C5orf58: variants seen among roughly 807,000 people sequenced by gnomAD.
C5orf58 encodes the protein putative uncharacterized protein C5orf58.
In C5orf58, 2 loss-of-function variants were observed where a neutral mutation model predicts 2.9. The observed-to-expected ratio is 0.69, with a 90% CI of 0.28 to 2.18. The LOEUF (loss-of-function observed/expected upper bound fraction) is 2.18. Ranked by LOEUF, C5orf58 falls within the 30% of genes most tolerant of loss-of-function variation. The probability of loss-of-function intolerance (pLI) is 0.13; values close to 1 mark genes in which losing one functional copy is unlikely to be tolerated. For synonymous variants in C5orf58, 37 were observed against 33.4 expected, an observed-to-expected ratio of 1.11 and a Z score of -0.37; for missense variants, 96 against 91.7, an observed-to-expected ratio of 1.05 and a Z score of -0.19.
intron 3 of C5orf58, 135 bp from the exon 4 acceptor site, chr5:170,245,827 G>A (rs1245049789): frequency 3.7e-6 from 3 of 820,084 alleles, no homozygotes; most frequent in Non-Finnish European, 5.7e-6. Flanking sequence ...AGTCAGAATG[G>A]GACACACTTA....
chr5:170,245,940 T>C, intron 3 of C5orf58, 22 bp from the exon 4 acceptor site: 1 of 1,601,010 alleles, frequency 6.2e-7, no homozygotes, highest in South Asian at 1.1e-5. Flanking sequence ...CAATATAATA[T>C]CTCCTGTTTT....
At chr5:170,236,584 G>A (rs1760749496) in intron 3 of C5orf58, among the ~76,000 whole-genome samples, 1 of 152,190 alleles carries the variant, frequency 6.6e-6, no homozygotes, top group African/African-American at 2.4e-5. Context: ...AAACATCTTA[G>A]AATGGACTAT....
In C5orf58 at chr5:170,236,024, TC is replaced by T. The variant is rs1308056185; in HGVS notation, c.94+955del. On this transcript the variant is annotated intron_variant, in intron 3 of 3. Transcript: ENST00000593851. Reference sequence around the variant, plus strand: ...CAGAGGTGCTCATATATAGACAGTCTCTTTTTATAAGTCTCCTCCCAGATCC... The same window carrying T: ...CAGAGGTGCTCATATATAGACAGTCTTTTTTATAAGTCTCCTCCCAGATCC... Among the ~76,000 whole-genome samples the T allele has an allele frequency of 2.1e-4, 32 of 152,194 alleles. No homozygotes were observed. The East Asian group carries it at 6.0e-3, about 28-fold the overall frequency.
intron 3 of C5orf58, chr5:170,237,427 G>A (rs898969407): frequency 5.0e-6 from 2 of 396,356 alleles, no homozygotes; most frequent in Non-Finnish European, 8.9e-6. Context: ...CTTTTTCAAG[G>A]TCAAGCAACT....
At chr5:170,238,202 C>T (rs1760823159) in intron 3 of C5orf58, among the ~76,000 whole-genome samples, 1 of 151,732 alleles carries the variant, frequency 6.6e-6, no homozygotes, top group Non-Finnish European at 1.5e-5. Flanking sequence ...GAGGAAGAAA[C>T]AAATAATGAG....
At position 170,237,144 on chromosome 5, in the gene C5orf58, A is replaced by G. The variant is rs1045757085; in HGVS notation, c.94+2074A>G. 1.3e-5 allele frequency: 5 copies of G among 396,242 alleles called. No individual in the cohort carries two copies. The East Asian group carries it at 1.4e-4, about 11-fold the overall frequency. The allele number at this position is 396,242 out of a possible 1,614,324, so 24.5% of individuals were successfully genotyped here. A position where few individuals can be genotyped will look rare whatever the true frequency, so the allele number is the denominator to read the frequency against. ...TATGTGATAGATGTTTTCTTGAGAC[A>G]TTGTATGGGTAGGTCAGGCAGTTAG... On this transcript the variant is annotated intron_variant, in intron 3 of 3. Transcript: ENST00000593851.
rs542440514 is a variant in C5orf58, at chr5:170,245,697, G to A, written c.95-265G>A. ...TGGCACTCCCTAGTGAGATGAACCC[G>A]GTACCTCAGATGGAAATGCAGAAAT... On this transcript the variant is annotated intron_variant, in intron 3 of 3. Coordinates refer to ENST00000593851, the MANE Select transcript of C5orf58 (RefSeq NM_001102609.3). 1.2e-4 allele frequency among the ~76,000 whole-genome samples: 19 copies of A among 152,284 alleles called. No individual in the cohort carries two copies. The East Asian group carries it at 3.3e-3, about 26-fold the overall frequency.
Position 170,243,817 on chromosome 5 carries a change from CATT to C in C5orf58, c.95-2142_95-2140del, listed in dbSNP as rs1413070002. 3.3e-5 allele frequency among the ~76,000 whole-genome samples: 5 copies of C among 149,386 alleles called. No homozygotes were observed. The East Asian group carries it at 9.8e-4, about 29-fold the overall frequency. ...TTGTTATGTGTGAATTTGATCCTGT[CATT>C]ATGATGTTAGCTGGTGATTTTGCTC... On this transcript the variant is annotated intron_variant, in intron 3 of 3. Coordinates refer to ENST00000593851, the MANE Select transcript of C5orf58 (RefSeq NM_001102609.3).
In C5orf58 at chr5:170,246,055, T is replaced by C. The variant is rs1761273479; in HGVS notation, c.188T>C (p.Leu63Pro). The change falls in exon 4 of 4, where the codon CTC becomes CCC. Residue 63 changes from leucine to proline, a missense_variant. Physicochemically the swap from Leu to Pro is moderately conservative, Grantham distance 98. Transcript: ENST00000593851. Reference protein sequence around the residue: ...NLAEAERNNPLFEESKISDVS... With the variant: ...NLAEAERNNPPFEESKISDVS... ...GCAGAAGCAGAAAGAAACAACCCCC[T>C]CTTTGAAGAGTCTAAAATATCAGAT... is the stretch of plus-strand genomic sequence containing the variant. 6.2e-7 allele frequency: 1 copy of C among 1,613,464 alleles called. No individual in the cohort carries two copies. The highest frequency in any genetic ancestry group is 1.1e-5 in the South Asian group (1 of 91,078).
downstream of C5orf58, chr5:170,252,479 A>G: frequency 6.3e-7 from 1 of 1,583,322 alleles, no homozygotes; most frequent in Non-Finnish European, 8.7e-7. Context: ...GTCGGGTAAT[A>G]TAAGAAACGT....
chr5:170,234,950 T>C lies in C5orf58; in HGVS notation c.1-27T>C, dbSNP rs768143872. ...GTACACATAAATACTGATTTATACA[T>C]TGTTTCTGTTTTTCTTTTAAAATCA... On this transcript the variant is annotated intron_variant, in intron 2 of 3. Transcript: ENST00000593851. The C allele has an allele frequency of 1.5e-5, 16 of 1,057,198 alleles. No homozygotes were observed. In the East Asian group the frequency reaches 2.8e-4, roughly 18 times the overall value. The allele number at this position is 1,057,198 out of a possible 1,614,324, so 65.5% of individuals were successfully genotyped here.
At chr5:170,243,496 C>T (rs1459015356) in intron 3 of C5orf58, among the ~76,000 whole-genome samples, 4 of 152,102 alleles carry the variant, frequency 2.6e-5, no homozygotes, top group Admixed American at 2.6e-4. Flanking sequence ...GGATAGTTAG[C>T]TCTTCTTGTT....
chr5:170,234,010 A>G (rs1760634319), intron 1 of C5orf58, 105 bp from the exon 2 acceptor site: 1 of 495,190 alleles, frequency 2.0e-6, no homozygotes, highest in Non-Finnish European at 3.7e-6. Flanking sequence ...CTGCAACTTG[A>G]CTCTTGGTTT....
intron 3 of C5orf58, among the ~76,000 whole-genome samples, chr5:170,241,229 T>C (rs1346419392): frequency 6.6e-6 from 1 of 152,182 alleles, no homozygotes; most frequent in Non-Finnish European, 1.5e-5. Context: ...AGCTTTGTTC[T>C]TTTGGCTTAG....
At chr5:170,237,705 G>T (rs1264473611) in intron 3 of C5orf58, among the ~76,000 whole-genome samples, 1 of 152,156 alleles carries the variant, frequency 6.6e-6, no homozygotes, top group Non-Finnish European at 1.5e-5. Flanking sequence ...AAATATATAA[G>T]AATTGTAGAT....
chr5:170,237,140 A>G, intron 3 of C5orf58: 1 of 396,078 alleles, frequency 2.5e-6, no homozygotes, highest in Non-Finnish European at 4.5e-6. Flanking sequence ...TGTTTTCTTG[A>G]GACATTGTAT....
chr5:170,251,741 T>A, exon 3 of C5orf58: 1 of 448,772 alleles, frequency 2.2e-6, no homozygotes, highest in South Asian at 1.6e-5. Flanking sequence ...ACCTGGGAAG[T>A]TTGAAGACTC....
exon 3 of C5orf58, chr5:170,251,943 C>T (rs770721559): frequency 1.6e-5 from 4 of 243,420 alleles, no homozygotes; most frequent in East Asian, 8.4e-5. Flanking sequence ...GGTAAAGTTT[C>T]GGCACTGGCT....
In C5orf58 at chr5:170,234,945, A is replaced by G. The variant is rs957999; in HGVS notation, c.1-32A>G. On this transcript the variant is annotated intron_variant, in intron 2 of 3. Transcript: ENST00000593851. ...TAAAAGTACACATAAATACTGATTT[A>G]TACATTGTTTCTGTTTTTCTTTTAA... is the stretch of plus-strand genomic sequence containing the variant. 8.1e-3 allele frequency: 8,117 copies of G among 1,000,454 alleles called. 448 individuals carry two copies. The African/African-American group carries it at 0.12, about 14-fold the overall frequency. 62.0% of individuals were successfully genotyped at this position (1,000,454 alleles called of 1,614,324 possible).
Sources: allele counts gnomAD v4.1 joint callset (sites outside exome capture counted in the v4.1 genomes callset), GRCh38; gene constraint gnomAD v4.1.1; transcripts MANE v1.5; gene names NCBI Gene and HGNC (gene_info 2026-07-23, HGNC 2026-07-21).